NSD2: variants seen among roughly 807,000 people sequenced by gnomAD.
NSD2 encodes histone-lysine N-methyltransferase NSD2.
Under a neutral mutation model 139.0 loss-of-function variants are expected in NSD2, and 12 were observed. That is an observed-to-expected ratio of 0.09 (90% CI 0.06 to 0.14). The LOEUF is 0.14. Ranked by LOEUF, NSD2 falls within the 10% of genes least tolerant of loss-of-function variation. The probability of loss-of-function intolerance (pLI) is 1.00; values close to 1 mark genes in which losing one functional copy is unlikely to be tolerated. For synonymous variants in NSD2, 669 were observed against 648.7 expected, an observed-to-expected ratio of 1.03 and a Z score of -0.48; for missense variants, 1,155 against 1,745.0, an observed-to-expected ratio of 0.66 and a Z score of 6.02.
At chr4:1,945,174 C>A in intron 9 of NSD2, 1 of 1,065,424 alleles carries the variant, frequency 9.4e-7, no homozygotes, top group Non-Finnish European at 1.1e-6. Flanking sequence ...GTACTTCACA[C>A]AGAAGCCTAG....
intron 3 of NSD2, among the ~76,000 whole-genome samples, chr4:1,915,111 C>CTTTTTTTTT (rs781255847): frequency 2.2e-4 from 25 of 115,560 alleles, no homozygotes; most frequent in Non-Finnish European, 3.7e-4. Context: ...CTTTTTTTCT[C>CTTTTTTTTT]TTTTTTTTTT....
At chr4:1,884,953 A>G (rs2108684296) in intron 1 of NSD2, among the ~76,000 whole-genome samples, 2 of 151,888 alleles carry the variant, frequency 1.3e-5, no homozygotes, top group South Asian at 4.2e-4. Context: ...TACTAAAAAT[A>G]CTAAAAATTA....
intron 16 of NSD2, 54 bp from the exon 17 acceptor site, chr4:1,959,417 G>C (rs1473624104): frequency 2.5e-6 from 4 of 1,582,494 alleles, no homozygotes; most frequent in Middle Eastern, 1.7e-4. Flanking sequence ...GGTGTGCAAG[G>C]GTATTCGGAA....
Position 1,948,219 on chromosome 4 carries a change from G to T in NSD2, c.1882-2853G>T. 1 of 1,064,108 alleles carries T rather than the reference G, an allele frequency of 9.4e-7. No individual in the cohort carries two copies. Among genetic ancestry groups the T allele is most frequent in the Non-Finnish European group, 1.1e-6 (1 of 878,234 alleles). The allele number at this position is 1,064,108 out of a possible 1,614,324, so 65.9% of individuals were successfully genotyped here. ...GTGCCGCAGCATGGCTGTGGTGGAC[G>T]CGGGAAACAACGGGAAAGTTCTTGA... On this transcript the variant is annotated intron_variant, in intron 9 of 21. Transcript: ENST00000508803. The surrounding 1 kb of genome is among the most constrained non-coding windows in gnomAD (Gnocchi z 4.5).
At chr4:1,918,645 A>G (rs1300617504) in intron 5 of NSD2, 22 bp downstream of exon 5, 1 of 1,606,626 alleles carries the variant, frequency 6.2e-7, no homozygotes, top group Non-Finnish European at 8.5e-7. Flanking sequence ...GTTGTGTTTC[A>G]TGCTAGCAAG....
chr4:1,947,817 C>T (rs924457486), intron 9 of NSD2: 9 of 1,048,240 alleles, frequency 8.6e-6, no homozygotes, highest in African/African-American at 1.7e-5. Flanking sequence ...AAAACGATGT[C>T]GTATTCAAGT....
chr4:1,926,330 T>G lies in NSD2; in HGVS notation c.1411-4296T>G, dbSNP rs1012960135. 9.2e-5 allele frequency among the ~76,000 whole-genome samples: 14 copies of G among 151,606 alleles called. No individual in the cohort carries two copies. In the East Asian group the frequency reaches 2.5e-3, roughly 27 times the overall value. On this transcript the variant is annotated intron_variant, in intron 5 of 21. Coordinates refer to ENST00000508803, the MANE Select transcript of NSD2 (RefSeq NM_001042424.3). ...CCACCACGCCCAGCTAATTTTTGTA[T>G]TTTTAGTAGAGCCAGGGTTTCACCA... is the stretch of plus-strand genomic sequence containing the variant.
chr4:1,933,584 C>T (rs899490895), intron 6 of NSD2, among the ~76,000 whole-genome samples: 1 of 151,628 alleles, frequency 6.6e-6, no homozygotes, highest in Non-Finnish European at 1.5e-5. Flanking sequence ...TTAGTAGAGA[C>T]GGGGTTTCAC....
chr4:1,942,006 T>C lies in NSD2; in HGVS notation c.1881+2228T>C. 8.8e-7 allele frequency: 1 copy of C among 1,132,416 alleles called. No individual in the cohort carries two copies. Among genetic ancestry groups the C allele is most frequent in the Non-Finnish European group, 1.1e-6 (1 of 919,210 alleles). 70.1% of individuals were successfully genotyped at this position (1,132,416 alleles called of 1,614,324 possible). On this transcript the variant is annotated intron_variant, in intron 9 of 21. Coordinates refer to ENST00000508803, the MANE Select transcript of NSD2 (RefSeq NM_001042424.3). The surrounding 1 kb of genome is among the most constrained non-coding windows in gnomAD (Gnocchi z 4.0). ...TGAGGTCCACACTGACACACACCCA[T>C]TGGGTCACACCCCCTTTGCATGTTT... is the stretch of plus-strand genomic sequence containing the variant.
intron 5 of NSD2, among the ~76,000 whole-genome samples, chr4:1,924,762 A>G (rs971826956): frequency 1.3e-5 from 2 of 151,880 alleles, no homozygotes; most frequent in African/African-American, 4.8e-5. Flanking sequence ...AAAAAAAACA[A>G]AACAAAACAA....
intron 3 of NSD2, among the ~76,000 whole-genome samples, chr4:1,915,974 C>G: frequency 6.6e-6 from 1 of 152,032 alleles, no homozygotes; most frequent in East Asian, 1.9e-4. Flanking sequence ...AATCTGGTAC[C>G]TCCTTTCTTT....
rs1411744163 is a variant in NSD2 at position 1,957,922 on chromosome 4, T to C, written c.2882-11T>C. 1 of 1,612,768 alleles carries C rather than the reference T, an allele frequency of 6.2e-7. No homozygotes were observed. Among genetic ancestry groups the C allele is most frequent in the Non-Finnish European group, 8.5e-7 (1 of 1,179,276 alleles). Reference sequence around the variant, plus strand: ...ACTAAAATCTTTACTCCTATTTCATTGACTTTTTAGCACTGCAAGAAGCTG... The same window carrying C: ...ACTAAAATCTTTACTCCTATTTCATCGACTTTTTAGCACTGCAAGAAGCTG... On this transcript the variant is annotated splice_polypyrimidine_tract_variant and intron_variant, in intron 15 of 21. Coordinates refer to ENST00000508803, the MANE Select transcript of NSD2 (RefSeq NM_001042424.3).
At chr4:1,961,000 G>A (rs368230365) in intron 17 of NSD2, 35 bp from the exon 18 acceptor site, 81 of 1,584,206 alleles carry the variant, frequency 5.1e-5, no homozygotes, top group Non-Finnish European at 6.0e-5. Flanking sequence ...TGGTCAGCAC[G>A]CTTTTTGTCA....
intron 18 of NSD2, among the ~76,000 whole-genome samples, chr4:1,971,321 C>T (rs1726452487): frequency 6.6e-6 from 1 of 152,172 alleles, no homozygotes; most frequent in African/African-American, 2.4e-5. Flanking sequence ...GACACCAGAG[C>T]CACCACTGGG....
At chr4:1,947,669 T>G (rs934577977) in intron 9 of NSD2, 1 of 1,055,094 alleles carries the variant, frequency 9.5e-7, no homozygotes, top group African/African-American at 1.7e-5. Context: ...AGCACAGGGC[T>G]GTTGTCATTT....
chr4:1,910,976 T>A (rs1163592971), intron 3 of NSD2, among the ~76,000 whole-genome samples: 2 of 152,156 alleles, frequency 1.3e-5, no homozygotes, highest in Non-Finnish European at 2.9e-5. Flanking sequence ...CACCTGGCCT[T>A]GTCTGCATCT....
intron 2 of NSD2, among the ~76,000 whole-genome samples, chr4:1,901,547 C>G (rs1391701311): frequency 6.6e-6 from 1 of 152,222 alleles, no homozygotes; most frequent in Non-Finnish European, 1.5e-5. Context: ...TAACGTGGTT[C>G]TGCCAGTTTC....
intron 9 of NSD2, among the ~76,000 whole-genome samples, chr4:1,949,854 T>A (rs1724031888): frequency 6.6e-6 from 1 of 152,032 alleles, no homozygotes; most frequent in Non-Finnish European, 1.5e-5. Flanking sequence ...CTTCCACCGC[T>A]CCCTGCAATG....
intron 9 of NSD2, chr4:1,946,937 T>G (rs1723697682): frequency 9.4e-7 from 1 of 1,059,182 alleles, no homozygotes; most frequent in Non-Finnish European, 1.1e-6. Context: ...GTTGTTGGCC[T>G]TTTTGCATAT....
Sources: gnomAD v4.1 joint callset for allele counts (sites outside exome capture counted in the v4.1 genomes callset) on GRCh38, gnomAD v4.1.1 for gene constraint, Gnocchi (gnomAD v3.1) non-coding constraint, MANE v1.5 for transcripts, NCBI Gene and HGNC (gene_info 2026-07-23, HGNC 2026-07-21) for gene names.